The following BATF2 variants were observed in gnomAD, a reference collection of about 807,000 sequenced individuals.
BATF2 encodes basic leucine zipper ATF-like transcription factor 2, also known as basic leucine zipper transcriptional factor ATF-like 2.
BATF2 carries 4 observed loss-of-function variants against 7.3 expected under a neutral mutation model. The ratio of observed to expected loss-of-function variants is 0.55; its 90% CI spans 0.27 to 1.26. The LOEUF is 1.26. Ranked by LOEUF, BATF2 falls within the 50% of genes most tolerant of loss-of-function variation. BATF2 has a pLI of 0.11. For missense variants in BATF2, 295 were observed against 340.5 expected (o/e 0.87, Z 1.05); for synonymous variants, 152 against 153.9 (o/e 0.99, Z 0.09).
rs567862029 is a variant in BATF2 at position 64,990,025 on chromosome 11, G to A, written c.142-213C>T. The stretch of plus-strand genomic sequence containing the variant: ...CACCCTCTGAAGGGGGCTCAGATCC[G>A]CCTGCTGTCATCCCACCACTAGTGC... On this transcript the variant is annotated intron_variant, in intron 2 of 2. Transcript: ENST00000301887. The A allele has an allele frequency of 1.4e-4, 217 of 1,536,138 alleles. No individual in the cohort carries two copies. The African/African-American group carries it at 2.3e-3, about 16-fold the overall frequency.
At position 64,989,246 on chromosome 11, in the gene BATF2, C is replaced by T. The variant is rs761461592; in HGVS notation, c.708G>A (p.Gln236=). 1.2e-6 allele frequency: 2 copies of T among 1,612,964 alleles called. No homozygotes were observed. Among genetic ancestry groups the T allele is most frequent in the South Asian group, 1.1e-5 (1 of 91,022 alleles). The change falls in exon 3 of 3, where the codon CAG becomes CAA. Residue 236 remains glutamine, a synonymous_variant. Transcript: ENST00000301887. This position sits in a 1 kb window ranked among gnomAD's most constrained non-coding sequence, Gnocchi z 4.3. ...AGAGAGCAGGTTTGTGCTCCCTGCT[C>T]TGCAGACGTGCAAGCCCCAGGGCAG... ...PSSALGLARL[Q]SREHKPALSA... is the part of the protein sequence containing the mutation.
chr11:64,991,153 A>ATT lies in BATF2; in HGVS notation c.142-1343_142-1342dup, dbSNP rs986602706. Reference sequence around the variant, plus strand: ...CTGGTTTCTACATGTGGAATGATGAATTTTTTTTTTTTTTTTTTTTTGAGA... The same window carrying ATT: ...CTGGTTTCTACATGTGGAATGATGAATTTTTTTTTTTTTTTTTTTTTTTGAGA... On this transcript the variant is annotated intron_variant, in intron 2 of 2. Coordinates refer to ENST00000301887, the MANE Select transcript of BATF2 (RefSeq NM_138456.4). Among the ~76,000 whole-genome samples, 99 of 113,014 alleles carry ATT rather than the reference A, an allele frequency of 8.8e-4. 1 individual carries two copies. Among genetic ancestry groups the ATT allele is most frequent in the African/African-American group, 1.4e-3 (44 of 30,574 alleles). The allele number at this position is 113,014 out of a possible 152,430, so 74.1% of individuals were successfully genotyped here.
chr11:64,990,574 C>G, intron 2 of BATF2: 1 of 1,056,748 alleles, frequency 9.5e-7, no homozygotes, highest in African/African-American at 1.6e-5. Context: ...CTGCTGAACG[C>G]CGGTTCTGAG....
intron 2 of BATF2, among the ~76,000 whole-genome samples, chr11:64,993,459 A>T (rs1019073762): frequency 1.3e-4 from 20 of 152,360 alleles, no homozygotes; most frequent in Admixed American, 8.5e-4. Context: ...CACAGCGAGA[A>T]GGCAGCCACT....
intron 2 of BATF2, among the ~76,000 whole-genome samples, 172 bp downstream of exon 2, chr11:64,994,276 A>G (rs996278580): frequency 6.6e-6 from 1 of 152,140 alleles, no homozygotes; most frequent in Non-Finnish European, 1.5e-5. Context: ...TGTACTCAAC[A>G]CCCAGAACTT....
Position 64,988,820 on chromosome 11 carries a change from G to A in BATF2, c.*309C>T, listed in dbSNP as rs1307336926. ...AAGGAGGAGCAGAGGGTGGTGTTTCGGGCTCCAAGAAAGTCTTCGTGACCT... is the reference window on the plus strand; with the variant it reads ...AAGGAGGAGCAGAGGGTGGTGTTTCAGGCTCCAAGAAAGTCTTCGTGACCT... On this transcript the variant is annotated 3_prime_UTR_variant, in exon 3 of 3. Coordinates refer to ENST00000301887, the MANE Select transcript of BATF2 (RefSeq NM_138456.4). 5 of 385,588 alleles carry A rather than the reference G, an allele frequency of 1.3e-5. No individual in the cohort carries two copies. Among genetic ancestry groups the A allele is most frequent in the Admixed American group, 1.2e-4 (3 of 25,828 alleles). The allele number at this position is 385,588 out of a possible 1,614,324, so 23.9% of individuals were successfully genotyped here. A position where few individuals can be genotyped will look rare whatever the true frequency, so the allele number is the denominator to read the frequency against.
chr11:64,989,102 G>C lies in BATF2; in HGVS notation c.*27C>G. ...AAGGCTGCTTCCTGAGCCCAAAGAA[G>C]GGGCCAACCCAGCTCCGAAGACCAG... is the stretch of plus-strand genomic sequence containing the variant. On this transcript the variant is annotated 3_prime_UTR_variant, in exon 3 of 3. Transcript: ENST00000301887. The surrounding 1 kb of genome is among the most constrained non-coding windows in gnomAD (Gnocchi z 4.3). 6.2e-7 allele frequency: 1 copy of C among 1,612,654 alleles called. No individual in the cohort carries two copies. Among genetic ancestry groups the C allele is most frequent in the South Asian group, 1.1e-5 (1 of 90,978 alleles).
chr11:64,989,880 C>T lies in BATF2; in HGVS notation c.142-68G>A, dbSNP rs1307301551. 8.3e-6 allele frequency: 13 copies of T among 1,559,574 alleles called. No individual in the cohort carries two copies. The highest frequency in any genetic ancestry group is 1.1e-5 in the Non-Finnish European group (12 of 1,142,508). ...GTCAGGGGCCCCGCATGAGCCTTAG[C>T]CCCTTCCAGGGTCCTCAACTTCAGG... On this transcript the variant is annotated intron_variant, in intron 2 of 2. Coordinates refer to ENST00000301887, the MANE Select transcript of BATF2 (RefSeq NM_138456.4). This position sits in a 1 kb window ranked among gnomAD's most constrained non-coding sequence, Gnocchi z 4.3.
chr11:64,994,572 CT>C (rs1565168856), intron 1 of BATF2, 23 bp from the exon 2 acceptor site: 1 of 1,575,332 alleles, frequency 6.3e-7, no homozygotes, highest in South Asian at 1.2e-5. Context: ...AGGCAGAGGA[CT>C]CAGGGGGCCC....
intron 1 of BATF2, among the ~76,000 whole-genome samples, chr11:64,996,015 T>G (rs1466459284): frequency 6.6e-6 from 1 of 152,146 alleles, no homozygotes; most frequent in Admixed American, 6.6e-5. Context: ...TGGAGTGCAG[T>G]GGCGTGATCT....
intron 2 of BATF2, among the ~76,000 whole-genome samples, chr11:64,992,886 T>C (rs1025973693): frequency 1.4e-5 from 2 of 144,342 alleles, no homozygotes; most frequent in Admixed American, 1.4e-4. Context: ...AGGCCAGGCA[T>C]GGTGGCTCAC....
At chr11:64,993,952 C>T (rs546595711) in intron 2 of BATF2, among the ~76,000 whole-genome samples, 78 of 152,240 alleles carry the variant, frequency 5.1e-4, no homozygotes, top group African/African-American at 1.8e-3. Flanking sequence ...TGCACCATCA[C>T]GCCCAGCTAA....
intron 2 of BATF2, chr11:64,990,230 G>C: frequency 6.5e-7 from 1 of 1,534,860 alleles, no homozygotes; most frequent in Non-Finnish European, 8.7e-7. Flanking sequence ...CTGTGTAGTG[G>C]CTGCAGCTCA....
At chr11:64,996,468 G>T (rs1165080689) in intron 1 of BATF2, among the ~76,000 whole-genome samples, 2 of 152,170 alleles carry the variant, frequency 1.3e-5, no homozygotes, top group East Asian at 3.8e-4. Flanking sequence ...TGTTGGCCAG[G>T]CTGATCTTGA....
At position 64,995,335 on chromosome 11, in the gene BATF2, A is replaced by G. The variant is rs577704552; in HGVS notation, c.40-786T>C. Among the ~76,000 whole-genome samples, 6 of 152,362 alleles carry G rather than the reference A, an allele frequency of 3.9e-5. No homozygotes were observed. The South Asian group carries it at 1.2e-3, about 32-fold the overall frequency. ...GTGAACTTTCCTAACTGTGAGCTCC[A>G]TGAGGGCAGATGTGGTTCTCTGTGC... On this transcript the variant is annotated intron_variant, in intron 1 of 2. Transcript: ENST00000301887.
rs11231921 is a variant in BATF2, at chr11:64,994,723, G to T, written c.40-174C>A. Among the ~76,000 whole-genome samples, 673 of 152,314 alleles carry T rather than the reference G, an allele frequency of 4.4e-3. 37 individuals carry two copies. The East Asian group carries it at 0.11, about 25-fold the overall frequency. On this transcript the variant is annotated intron_variant, in intron 1 of 2. Transcript: ENST00000301887. ...CCCTATAGCAGGCACTGCACACCTT[G>T]TTGGAACGCCAGCCTCACCCCTGTG...
At chr11:64,990,133 C>T (rs752350770) in intron 2 of BATF2, 2 of 1,535,752 alleles carry the variant, frequency 1.3e-6, no homozygotes, top group South Asian at 2.4e-5. Context: ...CTCTTGCCCA[C>T]AGGAGCCATT....
At chr11:64,996,745 G>T in intron 1 of BATF2, 131 bp downstream of exon 1, 1 of 1,092,512 alleles carries the variant, frequency 9.2e-7, no homozygotes, top group Non-Finnish European at 1.3e-6. Context: ...GGCATGCAGA[G>T]CCCTCTGTCA....
chr11:64,996,699 C>T (rs949016839), intron 1 of BATF2, among the ~76,000 whole-genome samples, 177 bp downstream of exon 1: 10 of 152,244 alleles, frequency 6.6e-5, no homozygotes, highest in Non-Finnish European at 1.3e-4. Flanking sequence ...CCAATCCAAT[C>T]CCGACTTCGG....
Sources: allele counts gnomAD v4.1 joint callset (sites outside exome capture counted in the v4.1 genomes callset), GRCh38; gene constraint gnomAD v4.1.1; non-coding constraint Gnocchi (gnomAD v3.1); transcripts MANE v1.5; gene names NCBI Gene and HGNC (gene_info 2026-07-23, HGNC 2026-07-21).